The following MKX variants were observed in gnomAD, a reference collection of about 807,000 sequenced individuals.
The protein encoded by MKX is homeobox protein Mohawk.
In MKX, 13 loss-of-function variants were observed where a neutral mutation model predicts 36.0. The observed-to-expected ratio is 0.36, with a 90% confidence interval of 0.24 to 0.57. MKX has a LOEUF of 0.57. Ranked by LOEUF, MKX falls within the 20% of genes least tolerant of loss-of-function variation. MKX has a pLI of 0.79. For synonymous variants in MKX, 176 were observed against 178.3 expected, an observed-to-expected ratio of 0.99 and a Z score of 0.10; for missense variants, 458 against 456.4, an observed-to-expected ratio of 1.00 and a Z score of -0.03.
intron 5 of MKX, among the ~76,000 whole-genome samples, chr10:27,695,762 T>C (rs1038760524): frequency 6.6e-6 from 1 of 152,056 alleles, no homozygotes; most frequent in African/African-American, 2.4e-5. Context: ...CTAATCATAA[T>C]GATAATAAAG....
chr10:27,727,810 A>G (rs541168376), intron 5 of MKX, among the ~76,000 whole-genome samples: 2 of 152,358 alleles, frequency 1.3e-5, no homozygotes, highest in East Asian at 3.9e-4. Flanking sequence ...GGAACAGTAT[A>G]TAAGAAATAC....
At position 27,735,428 on chromosome 10, in the gene MKX, C is replaced by T. The variant is rs575454652; in HGVS notation, c.349-54G>A. On this transcript the variant is annotated intron_variant, in intron 3 of 6. Transcript: ENST00000419761. ...AAACTTAAAAACATTATCCATGGTG[C>T]GATTATTTTCTCATAAAGGAGCTAA... 3.0e-5 allele frequency: 45 copies of T among 1,479,888 alleles called. No individual in the cohort carries two copies. The South Asian group carries it at 4.5e-4, about 15-fold the overall frequency. 91.7% of individuals were successfully genotyped at this position (1,479,888 alleles called of 1,614,324 possible). A position where few individuals can be genotyped will look rare whatever the true frequency, so the allele number is the denominator to read the frequency against.
intron 5 of MKX, among the ~76,000 whole-genome samples, chr10:27,689,343 C>G (rs1475784535): frequency 6.6e-6 from 1 of 152,174 alleles, no homozygotes; most frequent in Non-Finnish European, 1.5e-5. Flanking sequence ...AATACTACTA[C>G]CAAGTCTTTC....
intron 5 of MKX, among the ~76,000 whole-genome samples, chr10:27,702,885 C>T (rs185263714): frequency 3.4e-4 from 51 of 152,208 alleles, no homozygotes; most frequent in African/African-American, 1.2e-3. Flanking sequence ...CACAAAATAA[C>T]AACATGCCAG....
intron 5 of MKX, among the ~76,000 whole-genome samples, chr10:27,732,610 T>C (rs765357445): frequency 1.3e-5 from 2 of 152,182 alleles, no homozygotes; most frequent in Non-Finnish European, 2.9e-5. Flanking sequence ...CATTTGACCT[T>C]TTTTTATTTT....
chr10:27,714,858 A>G (rs890022205), intron 5 of MKX, among the ~76,000 whole-genome samples: 1 of 152,244 alleles, frequency 6.6e-6, no homozygotes, highest in African/African-American at 2.4e-5. Context: ...CTATTCTGAA[A>G]ATCAAGGTGC....
chr10:27,692,495 C>A (rs1025770455), intron 5 of MKX, among the ~76,000 whole-genome samples: 1 of 152,130 alleles, frequency 6.6e-6, no homozygotes, highest in Non-Finnish European at 1.5e-5. Flanking sequence ...GTTATGAGAT[C>A]TGTGTTTTCT....
At position 27,741,247 on chromosome 10, in the gene MKX, G is replaced by A; in HGVS notation, c.348+98C>T. On this transcript the variant is annotated intron_variant, in intron 3 of 6. Transcript: ENST00000419761. The surrounding 1 kb of genome is among the most constrained non-coding windows in gnomAD (Gnocchi z 5.1). ...ACAGCTCGGCTCCATCCCTCTCCAG[G>A]TAGAAGCGCCACGTGGAGAGCCACA... 1 of 1,495,906 alleles carries A rather than the reference G, an allele frequency of 6.7e-7. No individual in the cohort carries two copies. The allele number at this position is 1,495,906 out of a possible 1,614,324, so 92.7% of individuals were successfully genotyped here.
At chr10:27,710,847 TG>T (rs1836838610) in intron 5 of MKX, among the ~76,000 whole-genome samples, 1 of 151,930 alleles carries the variant, frequency 6.6e-6, no homozygotes, top group Non-Finnish European at 1.5e-5. Context: ...TTAGTAGAGA[TG>T]GGGTTTCACC....
chr10:27,732,755 C>T (rs1834659927), intron 5 of MKX, among the ~76,000 whole-genome samples: 1 of 152,094 alleles, frequency 6.6e-6, no homozygotes, highest in Non-Finnish European at 1.5e-5. Context: ...GTAGTGTCTT[C>T]ATTTTCTTTT....
chr10:27,699,508 C>T (rs539893179), intron 5 of MKX, among the ~76,000 whole-genome samples: 1 of 152,128 alleles, frequency 6.6e-6, no homozygotes, highest in Non-Finnish European at 1.5e-5. Flanking sequence ...TCATGAAGAA[C>T]GAATACGTCA....
rs567173432 is a variant in MKX at position 27,674,316 on chromosome 10, C to T, written c.*913G>A. The T allele has an allele frequency of 1.6e-4, 25 of 152,586 alleles. No individual in the cohort carries two copies. The highest frequency in any genetic ancestry group is 5.1e-4 in the African/African-American group (21 of 41,534). 9.5% of individuals were successfully genotyped at this position (152,586 alleles called of 1,614,324 possible). ...GTCCATCAGCAATTGTAATTTGAAA[C>T]AAACCAAATAAAAGATTTTTAGTCA... On this transcript the variant is annotated 3_prime_UTR_variant, in exon 7 of 7. Coordinates refer to ENST00000419761, the MANE Select transcript of MKX (RefSeq NM_173576.3).
intron 5 of MKX, among the ~76,000 whole-genome samples, chr10:27,730,707 C>T (rs1014437758): frequency 1.3e-5 from 2 of 151,880 alleles, no homozygotes; most frequent in African/African-American, 4.8e-5. Context: ...ATCTGCCTGC[C>T]TCGGCCTCCC....
chr10:27,679,483 G>A (rs1037254728), intron 5 of MKX, among the ~76,000 whole-genome samples: 1 of 152,200 alleles, frequency 6.6e-6, no homozygotes, highest in Non-Finnish European at 1.5e-5. Context: ...TCCTGAGGCT[G>A]TTACTGGTGG....
chr10:27,722,120 T>C (rs1412278831), intron 5 of MKX, among the ~76,000 whole-genome samples: 1 of 152,192 alleles, frequency 6.6e-6, no homozygotes, highest in Admixed American at 6.5e-5. Flanking sequence ...AGCATACTTC[T>C]ATAATCTTGG....
At chr10:27,723,697 G>C (rs1050430406) in intron 5 of MKX, among the ~76,000 whole-genome samples, 5 of 152,330 alleles carry the variant, frequency 3.3e-5, no homozygotes, top group Middle Eastern at 3.4e-3. Flanking sequence ...TTGCTCTGAA[G>C]CCATGTGACA....
chr10:27,723,659 T>C (rs925926783), intron 5 of MKX, among the ~76,000 whole-genome samples: 5 of 152,218 alleles, frequency 3.3e-5, no homozygotes, highest in Non-Finnish European at 5.9e-5. Context: ...ATTTAAGGAA[T>C]TCTCTCCCTT....
intron 5 of MKX, among the ~76,000 whole-genome samples, chr10:27,676,041 C>A (rs1430891595): frequency 6.6e-6 from 1 of 152,096 alleles, no homozygotes; most frequent in Non-Finnish European, 1.5e-5. Flanking sequence ...GAGGCCAAGG[C>A]GGGGGATTGC....
At chr10:27,702,790 C>T (rs189923186) in intron 5 of MKX, among the ~76,000 whole-genome samples, 5 of 151,710 alleles carry the variant, frequency 3.3e-5, no homozygotes, top group South Asian at 2.1e-4. Flanking sequence ...GAGGGGTGGG[C>T]GGGGGAAAGG....
Sources: allele counts gnomAD v4.1 joint callset (sites outside exome capture counted in the v4.1 genomes callset), GRCh38; gene constraint gnomAD v4.1.1; non-coding constraint Gnocchi (gnomAD v3.1); transcripts MANE v1.5; gene names NCBI Gene and HGNC (gene_info 2026-07-23, HGNC 2026-07-21).